Variants in HPCAL1 observed in about 807,000 individuals in gnomAD.
The protein encoded by HPCAL1 is hippocalcin like 1, also known as hippocalcin-like protein 1.
Under a neutral mutation model 17.1 loss-of-function variants are expected in HPCAL1, and 8 were observed. That is an observed-to-expected ratio of 0.47 (90% CI 0.27 to 0.84). The LOEUF is 0.84. Ranked by LOEUF, HPCAL1 falls within the 40% of genes least tolerant of loss-of-function variation. HPCAL1 has a pLI of 0.13. For missense variants in HPCAL1, 165 were observed against 271.1 expected, an observed-to-expected ratio of 0.61 and a Z score of 2.75; for synonymous variants, 112 against 111.4, an observed-to-expected ratio of 1.01 and a Z score of -0.03.
At chr2:10,392,667 C>T (rs535607803) in intron 1 of HPCAL1, among the ~76,000 whole-genome samples, 10 of 152,222 alleles carry the variant, frequency 6.6e-5, no homozygotes, top group Admixed American at 2.0e-4. Context: ...TTTACAAATG[C>T]GGGAGTGGAA....
intron 2 of HPCAL1, among the ~76,000 whole-genome samples, chr2:10,399,469 CCAT>C (rs1295497291): frequency 9.2e-6 from 1 of 108,986 alleles, no homozygotes; most frequent in African/African-American, 3.4e-5. Context: ...ACCACCATCA[CCAT>C]CATCACCACC....
intron 1 of HPCAL1, among the ~76,000 whole-genome samples, chr2:10,320,214 T>C (rs1663582025): frequency 6.6e-6 from 1 of 152,140 alleles, no homozygotes; most frequent in Admixed American, 6.5e-5. Context: ...ATGAGTCTTA[T>C]CTTTCCACTT....
chr2:10,397,874 T>C (rs982503940), intron 2 of HPCAL1, among the ~76,000 whole-genome samples: 1 of 152,180 alleles, frequency 6.6e-6, no homozygotes, highest in Non-Finnish European at 1.5e-5. Context: ...CTGGAGAGTG[T>C]GTAATTCTGG....
Position 10,423,106 on chromosome 2 carries a change from C to T in HPCAL1, c.484+18C>T, listed in dbSNP as rs898733278. On this transcript the variant is annotated intron_variant, in intron 4 of 4. Transcript: ENST00000307845. ...CAATGACGGTAGTGCGGGGTGGGGG[C>T]GGGGCTGCATGTGTACGCCACGGTA... is the stretch of plus-strand genomic sequence containing the variant. 6.5e-6 allele frequency: 10 copies of T among 1,547,206 alleles called. No homozygotes were observed. The highest frequency in any genetic ancestry group is 1.7e-4 in the Middle Eastern group (1 of 5,966).
chr2:10,412,640 T>C (rs1179511769), intron 2 of HPCAL1, among the ~76,000 whole-genome samples: 2 of 152,202 alleles, frequency 1.3e-5, no homozygotes, highest in Non-Finnish European at 2.9e-5. Context: ...CTGTGTGCCC[T>C]GGAAGAAAAG....
At chr2:10,324,726 G>A (rs909203456) in intron 1 of HPCAL1, among the ~76,000 whole-genome samples, 1 of 150,456 alleles carries the variant, frequency 6.6e-6, no homozygotes, top group African/African-American at 2.5e-5. Context: ...ACCTGCTGGG[G>A]GAGGGGGTGT....
At chr2:10,409,329 C>T (rs906247914) in intron 2 of HPCAL1, among the ~76,000 whole-genome samples, 3 of 152,180 alleles carry the variant, frequency 2.0e-5, no homozygotes, top group Admixed American at 6.5e-5. Context: ...CACACTTCAG[C>T]CTGGATGGTC....
At chr2:10,372,434 C>T (rs558131116) in intron 1 of HPCAL1, among the ~76,000 whole-genome samples, 18 of 152,272 alleles carry the variant, frequency 1.2e-4, no homozygotes, top group Admixed American at 3.3e-4. Flanking sequence ...TAATCCCCCC[C>T]CAGGAGCTCC....
intron 4 of HPCAL1, chr2:10,425,285 A>C (rs2148050243): frequency 6.5e-6 from 1 of 152,688 alleles, no homozygotes; most frequent in Admixed American, 6.5e-5. Context: ...CACTCTCTCC[A>C]TTGGCAGAGG....
At chr2:10,386,622 A>G (rs554813165) in intron 1 of HPCAL1, among the ~76,000 whole-genome samples, 1 of 152,248 alleles carries the variant, frequency 6.6e-6, no homozygotes, top group South Asian at 2.1e-4. Flanking sequence ...GGTGAGATTG[A>G]GGACTCAGGT....
chr2:10,372,373 T>G (rs1387270275), intron 1 of HPCAL1, among the ~76,000 whole-genome samples: 1 of 152,102 alleles, frequency 6.6e-6, no homozygotes, highest in South Asian at 2.1e-4. Context: ...AAGCACCTAT[T>G]ATGTCCCGGA....
At chr2:10,400,799 T>C (rs1487493088) in intron 2 of HPCAL1, among the ~76,000 whole-genome samples, 3 of 151,962 alleles carry the variant, frequency 2.0e-5, no homozygotes, top group Non-Finnish European at 4.4e-5. Flanking sequence ...ATACACACAT[T>C]GTGGGCAGGC....
intron 1 of HPCAL1, among the ~76,000 whole-genome samples, chr2:10,380,427 GC>G (rs1667864861): frequency 6.6e-6 from 1 of 152,108 alleles, no homozygotes; most frequent in Non-Finnish European, 1.5e-5. Flanking sequence ...GATTTTTCCA[GC>G]CAGACCAGTC....
intron 1 of HPCAL1, among the ~76,000 whole-genome samples, chr2:10,321,904 A>G (rs146245416): frequency 2.0e-5 from 3 of 152,322 alleles, no homozygotes; most frequent in East Asian, 3.9e-4. Context: ...ACTTTTGGCT[A>G]TTCTGAACAA....
chr2:10,412,033 C>A (rs1670393478), intron 2 of HPCAL1, among the ~76,000 whole-genome samples: 1 of 152,174 alleles, frequency 6.6e-6, no homozygotes, highest in Non-Finnish European at 1.5e-5. Flanking sequence ...CCATGTTGGT[C>A]AGGGGTGGCT....
intron 1 of HPCAL1, among the ~76,000 whole-genome samples, chr2:10,313,851 G>A (rs1663135674): frequency 2.0e-5 from 3 of 152,206 alleles, no homozygotes. Flanking sequence ...AAACCTCTTG[G>A]GCCGGGCGTG....
At chr2:10,376,136 G>T (rs925398535) in intron 1 of HPCAL1, among the ~76,000 whole-genome samples, 1 of 152,152 alleles carries the variant, frequency 6.6e-6, no homozygotes, top group East Asian at 1.9e-4. Context: ...CACCATGATC[G>T]TAAGCTACAC....
rs981886069 is a variant in HPCAL1, at chr2:10,367,913, C to T, written c.-110-28922C>T. Among the ~76,000 whole-genome samples, 5 of 151,972 alleles carry T rather than the reference C, an allele frequency of 3.3e-5. No homozygotes were observed. In the East Asian group the frequency reaches 5.8e-4, roughly 18 times the overall value. On this transcript the variant is annotated intron_variant, in intron 1 of 4. Coordinates refer to ENST00000307845, the MANE Select transcript of HPCAL1 (RefSeq NM_002149.4). This position sits in a 1 kb window ranked among gnomAD's most constrained non-coding sequence, Gnocchi z 4.4. Reference sequence around the variant, plus strand: ...CTGTGTGCTTGCATGTGTGTATGTGCGTGTGTGCCCATATGCGTGTGTAGG... The same window carrying T: ...CTGTGTGCTTGCATGTGTGTATGTGTGTGTGTGCCCATATGCGTGTGTAGG...
chr2:10,386,819 G>T (rs761907826), intron 1 of HPCAL1, among the ~76,000 whole-genome samples: 6 of 152,174 alleles, frequency 3.9e-5, no homozygotes, highest in African/African-American at 9.7e-5. Context: ...CCCACCTCAG[G>T]CCCTACCCAC....
Sources: allele counts gnomAD v4.1 joint callset (sites outside exome capture counted in the v4.1 genomes callset), GRCh38; gene constraint gnomAD v4.1.1; non-coding constraint Gnocchi (gnomAD v3.1); transcripts MANE v1.5; gene names NCBI Gene and HGNC (gene_info 2026-07-23, HGNC 2026-07-21).